EXOC6: variants seen among roughly 807,000 people sequenced by gnomAD.
The protein encoded by EXOC6 is exocyst complex component 6.
EXOC6 carries 60 observed loss-of-function variants against 112.5 expected under a neutral mutation model. The ratio of observed to expected loss-of-function variants is 0.53; its 90% CI spans 0.43 to 0.66. The LOEUF (loss-of-function observed/expected upper bound fraction) is 0.66. EXOC6 is among the 30% of genes least tolerant of loss of function. The pLI, the probability that EXOC6 is intolerant of heterozygous loss-of-function variation, is 0.00. For synonymous variants in EXOC6, 295 were observed against 308.0 expected, an observed-to-expected ratio of 0.96 and a Z score of 0.44; for missense variants, 855 against 957.1, an observed-to-expected ratio of 0.89 and a Z score of 1.41.
intron 14 of EXOC6, among the ~76,000 whole-genome samples, 194 bp downstream of exon 14, chr10:92,948,573 C>CTACTACTACT (rs1554900785): frequency 1.4e-5 from 2 of 140,174 alleles, no homozygotes; most frequent in Non-Finnish European, 3.1e-5. Context: ...CTACTACTAC[C>CTACTACTACT]ACTACTACTA....
chr10:93,034,263 C>T (rs1330520024), intron 20 of EXOC6, among the ~76,000 whole-genome samples: 3 of 152,250 alleles, frequency 2.0e-5, no homozygotes, highest in South Asian at 2.1e-4. Context: ...GCAGTGGCAT[C>T]GCTATGCCAG....
Position 92,948,341 on chromosome 10 carries a change from A to C in EXOC6, c.1378A>C (p.Ile460Leu), listed in dbSNP as rs555251659. The C allele has an allele frequency of 6.2e-7, 1 of 1,608,476 alleles. No homozygotes were observed. The highest frequency in any genetic ancestry group is 2.2e-5 in the East Asian group (1 of 44,658). The change falls in exon 14 of 22, where the codon ATC (isoleucine) becomes CTC (leucine). Residue 460 changes from isoleucine to leucine, a missense_variant. Ile to Leu is a conservative substitution (Grantham distance 5, BLOSUM62 2). Coordinates refer to ENST00000260762, the MANE Select transcript of EXOC6 (RefSeq NM_019053.6). ...VVNEEEYKIV[I>L]SKFPFQDPDL... is the part of the protein sequence containing the mutation. ...CAATGAAGAAGAATATAAAATTGTC[A>C]TCAGCAAATTTCCCTTTCAAGATCC...
intron 17 of EXOC6, among the ~76,000 whole-genome samples, chr10:92,967,618 GA>G (rs1402360241): frequency 6.6e-6 from 1 of 152,136 alleles, no homozygotes. Context: ...GGAGCTTCTT[GA>G]ATCTGGCTTT....
At chr10:92,974,272 T>C (rs757142074) in intron 18 of EXOC6, 40 bp downstream of exon 18, 1 of 1,366,822 alleles carries the variant, frequency 7.3e-7, no homozygotes, top group South Asian at 1.5e-5. Context: ...TATGTTTGCT[T>C]ACTAAAGTAT....
intron 1 of EXOC6, among the ~76,000 whole-genome samples, chr10:92,853,733 A>AC (rs1847461121): frequency 6.6e-6 from 1 of 152,226 alleles, no homozygotes; most frequent in Non-Finnish European, 1.5e-5. Flanking sequence ...TTTAGAAATT[A>AC]ACTCAAAATG....
intron 1 of EXOC6, among the ~76,000 whole-genome samples, chr10:92,868,636 A>G (rs1266026428): frequency 6.6e-6 from 1 of 152,180 alleles, no homozygotes; most frequent in East Asian, 1.9e-4. Flanking sequence ...TAGGGAGAAC[A>G]GGCATGTTGA....
intron 18 of EXOC6, among the ~76,000 whole-genome samples, chr10:92,980,556 T>A (rs1300884012): frequency 2.0e-5 from 3 of 152,218 alleles, no homozygotes; most frequent in African/African-American, 7.2e-5. Flanking sequence ...TTCATTCTTA[T>A]GACTTTGTAT....
chr10:92,873,617 A>G (rs566912896), intron 1 of EXOC6, among the ~76,000 whole-genome samples: 132 of 152,336 alleles, frequency 8.7e-4, no homozygotes, highest in African/African-American at 3.2e-3. Flanking sequence ...CAAATAAATT[A>G]GAGGAAGCAT....
At chr10:93,057,637 T>G (rs1846608742) in intron 21 of EXOC6, among the ~76,000 whole-genome samples, 1 of 152,328 alleles carries the variant, frequency 6.6e-6, no homozygotes, top group Admixed American at 6.5e-5. Context: ...ACTCTCTGAA[T>G]CTGCTGTGAT....
rs745955201 is a variant in EXOC6 at position 92,934,364 on chromosome 10, G to A, written c.1074G>A (p.Arg358=). The part of the protein sequence containing the change: ...ILHVTQGLVT[R]AYTDELWNMA... Reference sequence around the variant, plus strand: ...ATGTGACCCAAGGATTAGTAACCAGGGCATACACTGATGAACTTTGGAACA... The same window carrying A: ...ATGTGACCCAAGGATTAGTAACCAGAGCATACACTGATGAACTTTGGAACA... The change falls in exon 11 of 22, where the codon AGG becomes AGA. Residue 358 remains arginine (R), a synonymous_variant. Transcript: ENST00000260762. 4 of 1,604,692 alleles carry A rather than the reference G, an allele frequency of 2.5e-6. No homozygotes were observed. Among genetic ancestry groups the A allele is most frequent in the Admixed American group, 1.7e-5 (1 of 58,624 alleles).
chr10:93,017,351 A>G (rs61863078), intron 20 of EXOC6, among the ~76,000 whole-genome samples: 96,881 of 151,098 alleles, frequency 0.64, 33,794 homozygotes, highest in East Asian at 0.99. Context: ...AGCACTTTGG[A>G]AGGCTGAGGC....
rs756154729 is a variant in EXOC6 at position 93,014,274 on chromosome 10, TATA to T, written c.2169+13_2169+15del. On this transcript the variant is annotated splice_region_variant and intron_variant, in intron 20 of 21. Transcript: ENST00000260762. Reference sequence around the variant, plus strand: ...ATTCATTGACCTCAGACAAGTAAGATATAATAATGTACTTCCCATTTGTTGCCC... The same window carrying T: ...ATTCATTGACCTCAGACAAGTAAGATATAATGTACTTCCCATTTGTTGCCC... 9.3e-6 allele frequency: 15 copies of T among 1,607,352 alleles called. 1 individual carries two copies. The South Asian group carries it at 1.7e-4, about 18-fold the overall frequency.
At chr10:92,988,869 A>G (rs528908646) in intron 18 of EXOC6, among the ~76,000 whole-genome samples, 1 of 151,754 alleles carries the variant, frequency 6.6e-6, no homozygotes, top group African/African-American at 2.4e-5. Flanking sequence ...AAACATGTGC[A>G]TCCAAACTGG....
chr10:92,846,739 C>G (rs1847066017), upstream of EXOC6, among the ~76,000 whole-genome samples: 1 of 152,166 alleles, frequency 6.6e-6, no homozygotes, highest in South Asian at 2.1e-4. Flanking sequence ...GCAGTGGGTC[C>G]CACTGATGCT....
chr10:93,003,193 A>G (rs1843831622), intron 19 of EXOC6, among the ~76,000 whole-genome samples: 1 of 152,116 alleles, frequency 6.6e-6, no homozygotes, highest in Non-Finnish European at 1.5e-5. Flanking sequence ...TTATTTTCCC[A>G]TTCTTGTTAC....
At position 92,948,311 on chromosome 10, in the gene EXOC6, G is replaced by T. The variant is rs1267862274; in HGVS notation, c.1348G>T (p.Val450Phe). 3.7e-6 allele frequency: 6 copies of T among 1,609,370 alleles called. No individual in the cohort carries two copies. The highest frequency in any genetic ancestry group is 5.1e-6 in the Non-Finnish European group (6 of 1,178,390). ...FEEDNYSPIP[V>F]VNEEEYKIVI... ...AGAAGATAATTACAGCCCCATCCCTGTTGTCAATGAAGAAGAATATAAAAT... is the reference window on the plus strand; with the variant it reads ...AGAAGATAATTACAGCCCCATCCCTTTTGTCAATGAAGAAGAATATAAAAT... Residue 450 changes from valine (V) to phenylalanine (F), a missense_variant, in exon 14 of 22, where the codon GTT (valine) becomes TTT (phenylalanine). By Grantham distance (50) the Val-to-Phe change is conservative (BLOSUM62 -1). Transcript: ENST00000260762.
intron 18 of EXOC6, 87 bp downstream of exon 18, chr10:92,974,319 C>A: frequency 1.3e-6 from 1 of 798,796 alleles, no homozygotes; most frequent in African/African-American, 1.8e-5. Flanking sequence ...TTGCTTAAAC[C>A]AACTTCTTGG....
Position 92,958,871 on chromosome 10 carries a change from G to A in EXOC6, c.1773+3157G>A, listed in dbSNP as rs187195638. The stretch of plus-strand genomic sequence containing the variant: ...AGCACTTTGGGAGGGCGAGGTGGGC[G>A]GATCATGAGGTCAGGAGATCAAGAC... On this transcript the variant is annotated intron_variant, in intron 17 of 21. Coordinates refer to ENST00000260762, the MANE Select transcript of EXOC6 (RefSeq NM_019053.6). 7.0e-3 allele frequency among the ~76,000 whole-genome samples: 1,066 copies of A among 152,206 alleles called. 15 individuals carry two copies. Among genetic ancestry groups the A allele is most frequent in the African/African-American group, 0.025 (1,021 of 41,522 alleles).
upstream of EXOC6, among the ~76,000 whole-genome samples, chr10:92,847,687 A>G (rs1393215008): frequency 6.6e-6 from 1 of 151,742 alleles, no homozygotes; most frequent in Non-Finnish European, 1.5e-5. Context: ...CTACACTGAT[A>G]CCTTTGTCCA....
Sources: allele counts gnomAD v4.1 joint callset (sites outside exome capture counted in the v4.1 genomes callset), GRCh38; gene constraint gnomAD v4.1.1; transcripts MANE v1.5; gene names NCBI Gene and HGNC (gene_info 2026-07-23, HGNC 2026-07-21).